BABAM2: variants seen among roughly 807,000 people sequenced by gnomAD.
BABAM2 encodes the protein BRISC and BRCA1 A complex member 2.
In BABAM2, 31 loss-of-function variants were observed where a neutral mutation model predicts 54.7. The observed-to-expected ratio is 0.57, with a 90% CI of 0.43 to 0.77. The LOEUF (loss-of-function observed/expected upper bound fraction) is 0.77, where lower values mean the gene tolerates loss of function less well. Ranked by LOEUF, BABAM2 falls within the 30% of genes least tolerant of loss-of-function variation. BABAM2 has a pLI of 0.00. For synonymous variants in BABAM2, 167 were observed against 162.9 expected (o/e 1.03, Z -0.19); for missense variants, 364 against 455.8 (o/e 0.80, Z 1.83).
chr2:28,140,227 A>G (rs1444991714), intron 7 of BABAM2, among the ~76,000 whole-genome samples: 2 of 152,110 alleles, frequency 1.3e-5, no homozygotes, highest in Non-Finnish European at 2.9e-5. Flanking sequence ...TTTCCCCTTC[A>G]ATCCTTTATG....
chr2:27,905,398 T>C (rs544318783), intron 2 of BABAM2, among the ~76,000 whole-genome samples: 1 of 152,262 alleles, frequency 6.6e-6, no homozygotes, highest in South Asian at 2.1e-4. Context: ...TTAATGACCT[T>C]TGATAGGTCT....
At chr2:28,076,101 A>C (rs1331208633) in intron 6 of BABAM2, among the ~76,000 whole-genome samples, 1 of 151,988 alleles carries the variant, frequency 6.6e-6, no homozygotes, top group Non-Finnish European at 1.5e-5. Context: ...CTGTCTCTAC[A>C]ACAAAAAATA....
At chr2:28,190,672 G>A (rs570868337) in intron 7 of BABAM2, among the ~76,000 whole-genome samples, 2 of 152,172 alleles carry the variant, frequency 1.3e-5, no homozygotes, top group Non-Finnish European at 2.9e-5. Flanking sequence ...GGGCAACAAG[G>A]CAAAACTCTG....
chr2:28,300,316 G>A (rs924393056), intron 11 of BABAM2, among the ~76,000 whole-genome samples: 5 of 152,136 alleles, frequency 3.3e-5, no homozygotes, highest in African/African-American at 1.2e-4. Context: ...ATCCAGAGTT[G>A]TTATCTGAAA....
chr2:27,913,465 A>G (rs1388557275), intron 2 of BABAM2, among the ~76,000 whole-genome samples: 1 of 152,176 alleles, frequency 6.6e-6, no homozygotes, highest in East Asian at 1.9e-4. Flanking sequence ...ATAATTGGAG[A>G]TACTGTTTTT....
intron 2 of BABAM2, among the ~76,000 whole-genome samples, chr2:27,918,468 A>G (rs756758278): frequency 1.6e-4 from 24 of 151,856 alleles, no homozygotes; most frequent in Admixed American, 9.8e-4. Flanking sequence ...GTGTGTGTGT[A>G]TATGTATAGT....
intron 7 of BABAM2, among the ~76,000 whole-genome samples, chr2:28,158,571 T>G (rs1463458946): frequency 1.3e-5 from 2 of 152,252 alleles, no homozygotes; most frequent in Non-Finnish European, 2.9e-5. Flanking sequence ...GTTCATCTGT[T>G]AGGATTGGCA....
At chr2:28,233,195 G>A (rs1416649370) in intron 7 of BABAM2, 5 of 471,214 alleles carry the variant, frequency 1.1e-5, no homozygotes, top group Non-Finnish European at 2.2e-5. Context: ...CTTCCTCCCC[G>A]CACCACTCTG....
At chr2:28,181,302 A>C (rs1355880519) in intron 7 of BABAM2, among the ~76,000 whole-genome samples, 1 of 152,218 alleles carries the variant, frequency 6.6e-6, no homozygotes, top group Non-Finnish European at 1.5e-5. Context: ...TTGGCCATAA[A>C]GAGTGAAATT....
At chr2:28,104,250 C>T (rs1339467388) in intron 6 of BABAM2, among the ~76,000 whole-genome samples, 3 of 152,150 alleles carry the variant, frequency 2.0e-5, no homozygotes, top group South Asian at 2.1e-4. Context: ...TCAGAGTGAA[C>T]AGGCAACCTA....
At chr2:28,067,284 T>A (rs568867018) in intron 6 of BABAM2, among the ~76,000 whole-genome samples, 3 of 152,194 alleles carry the variant, frequency 2.0e-5, no homozygotes, top group Non-Finnish European at 4.4e-5. Context: ...GGCAGAGAGA[T>A]AGAAAGATAG....
At chr2:28,255,061 A>G (rs1036547083) in intron 10 of BABAM2, among the ~76,000 whole-genome samples, 1 of 151,954 alleles carries the variant, frequency 6.6e-6, no homozygotes, top group Admixed American at 6.6e-5. Context: ...TTAAAAAGAT[A>G]TATTGACGAT....
intron 6 of BABAM2, among the ~76,000 whole-genome samples, chr2:28,071,839 A>G (rs529587856): frequency 1.3e-5 from 2 of 152,266 alleles, no homozygotes; most frequent in Middle Eastern, 3.4e-3. Flanking sequence ...ACTTACTGCA[A>G]TTCTTACCCT....
chr2:27,905,952 T>G (rs1342438223), intron 2 of BABAM2, among the ~76,000 whole-genome samples: 1 of 152,248 alleles, frequency 6.6e-6, no homozygotes, highest in Non-Finnish European at 1.5e-5. Flanking sequence ...GCCAGCTGTT[T>G]TAGCAGATAG....
intron 3 of BABAM2, among the ~76,000 whole-genome samples, chr2:27,963,240 C>T (rs538594810): frequency 3.3e-5 from 5 of 152,152 alleles, no homozygotes; most frequent in African/African-American, 4.8e-5. Flanking sequence ...GAGGCTGAAG[C>T]GGGTGGATCA....
intron 3 of BABAM2, among the ~76,000 whole-genome samples, chr2:27,933,271 T>C (rs1318159461): frequency 2.0e-5 from 3 of 152,114 alleles, no homozygotes; most frequent in Non-Finnish European, 4.4e-5. Context: ...CATTGGGGAC[T>C]TAATTTAGCC....
chr2:27,916,897 G>T (rs564457747), intron 2 of BABAM2, among the ~76,000 whole-genome samples: 1 of 151,764 alleles, frequency 6.6e-6, no homozygotes. Context: ...TTGTTGTCTT[G>T]ACTTGTTATT....
At chr2:28,207,466 T>A (rs1335078374) in intron 7 of BABAM2, among the ~76,000 whole-genome samples, 1 of 151,736 alleles carries the variant, frequency 6.6e-6, no homozygotes. Flanking sequence ...GAGGCTGAGG[T>A]GGGAAAATCA....
At chr2:28,016,079 G>A (rs1339402071) in intron 4 of BABAM2, 6 of 779,782 alleles carry the variant, frequency 7.7e-6, no homozygotes, top group Non-Finnish European at 1.1e-5. Flanking sequence ...TTATGTGAAC[G>A]GTTCTTTTTC....
Sources: gnomAD v4.1 joint callset for allele counts (sites outside exome capture counted in the v4.1 genomes callset) on GRCh38, gnomAD v4.1.1 for gene constraint, MANE v1.5 for transcripts, NCBI Gene and HGNC (gene_info 2026-07-23, HGNC 2026-07-21) for gene names.